LGR5: variants seen among roughly 807,000 people sequenced by gnomAD.
LGR5 encodes the protein leucine rich repeat containing G protein-coupled receptor 5, also known as leucine-rich repeat-containing G protein-coupled receptor 5.
In LGR5, 54 loss-of-function variants were observed where a neutral mutation model predicts 76.7. The observed-to-expected ratio is 0.70, with a 90% CI of 0.57 to 0.88. The LOEUF (loss-of-function observed/expected upper bound fraction) is 0.88. Among genes scored for constraint, LGR5 ranks in the 40% least tolerant of loss-of-function variants. The pLI, the probability that LGR5 is intolerant of heterozygous loss-of-function variation, is 0.00. For missense variants in LGR5, 1,078 were observed against 1,073.3 expected, an observed-to-expected ratio of 1.00 and a Z score of -0.06; for synonymous variants, 406 against 421.9, an observed-to-expected ratio of 0.96 and a Z score of 0.46.
Position 71,507,733 on chromosome 12 carries a change from TTCTC to T in LGR5, c.284+3062_284+3065del, listed in dbSNP as rs151033755. On this transcript the variant is annotated intron_variant, in intron 2 of 17. Transcript: ENST00000266674. ...ACAGCTAGAAATGTTAACTCTCTCT[TTCTC>T]TCTCTCTCTCTCTGGGTGTGTGTGT... is the stretch of plus-strand genomic sequence containing the variant. Among the ~76,000 whole-genome samples the T allele has an allele frequency of 6.1e-3, 909 of 150,144 alleles. 14 individuals carry two copies. The highest frequency in any genetic ancestry group is 0.021 in the African/African-American group (876 of 41,166).
At position 71,466,550 on chromosome 12, in the gene LGR5, G is replaced by A. The variant is rs1872870571; in HGVS notation, c.212+26258G>A. On this transcript the variant is annotated intron_variant, in intron 1 of 17. Transcript: ENST00000266674. The stretch of plus-strand genomic sequence containing the variant: ...ATTAAATAAAAAATTCACTTATTTG[G>A]GGGATAAAAAGAATGTTCTGCATCC... Among the ~76,000 whole-genome samples the A allele has an allele frequency of 2.0e-5, 3 of 152,114 alleles. No individual in the cohort carries two copies. In the South Asian group the frequency reaches 6.2e-4, roughly 32 times the overall value.
intron 4 of LGR5, among the ~76,000 whole-genome samples, chr12:71,541,286 C>A (rs191988923): frequency 1.3e-5 from 2 of 152,276 alleles, no homozygotes; most frequent in South Asian, 2.1e-4. Flanking sequence ...ATACTTTATG[C>A]AATAGCCATG....
chr12:71,524,038 A>C (rs2137341391), intron 2 of LGR5, among the ~76,000 whole-genome samples: 1 of 152,346 alleles, frequency 6.6e-6, no homozygotes, highest in South Asian at 2.1e-4. Context: ...TTATCTTACA[A>C]AGAATAGTTG....
intron 1 of LGR5, among the ~76,000 whole-genome samples, chr12:71,482,401 TC>T (rs1349189670): frequency 6.6e-6 from 1 of 152,202 alleles, no homozygotes. Context: ...TAGATGGCTC[TC>T]TTCTCTTTGT....
chr12:71,540,493 C>T (rs1408907876), intron 4 of LGR5, among the ~76,000 whole-genome samples: 3 of 152,188 alleles, frequency 2.0e-5, no homozygotes, highest in Admixed American at 2.0e-4. Context: ...TTCTGCCTGG[C>T]ACACCAGCTG....
chr12:71,451,884 C>T (rs549623805), intron 1 of LGR5, among the ~76,000 whole-genome samples: 1 of 152,024 alleles, frequency 6.6e-6, no homozygotes, highest in African/African-American at 2.4e-5. Context: ...ATATGCAAAC[C>T]AACCAATCCA....
At chr12:71,462,895 G>T (rs188700169) in intron 1 of LGR5, among the ~76,000 whole-genome samples, 50 of 152,204 alleles carry the variant, frequency 3.3e-4, no homozygotes, top group Non-Finnish European at 1.3e-4. Context: ...TCTGCCCACT[G>T]CTCTTCAGGG....
In LGR5 at chr12:71,583,960, A is replaced by T. The variant is rs778727435; in HGVS notation, c.1950A>T (p.Ser650=). ...TTTTGTCCATTTTTGCTTCAGAATC[A>T]TCTGTTTTCCTGCTTACTCTGGCAG... ...IGFLSIFASE[S]SVFLLTLAAL... is the part of the protein sequence containing the mutation. The change falls in exon 18 of 18, where the codon TCA becomes TCT. Residue 650 remains serine (S), a synonymous_variant. Transcript: ENST00000266674. 15 of 1,613,904 alleles carry T rather than the reference A, an allele frequency of 9.3e-6. No homozygotes were observed. The African/African-American group carries it at 2.0e-4, about 22-fold the overall frequency.
At chr12:71,565,972 T>C (rs764381204) in intron 8 of LGR5, among the ~76,000 whole-genome samples, 22 of 152,194 alleles carry the variant, frequency 1.4e-4, no homozygotes, top group Non-Finnish European at 2.1e-4. Flanking sequence ...GTGTATGTTA[T>C]GGTGACCAGC....
At position 71,529,956 on chromosome 12, in the gene LGR5, C is replaced by CAA. The variant is rs34678480; in HGVS notation, c.357-5143_357-5142dup. Among the ~76,000 whole-genome samples the CAA allele has an allele frequency of 6.6e-4, 60 of 91,406 alleles. 1 individual carries two copies. Among genetic ancestry groups the CAA allele is most frequent in the African/African-American group, 1.8e-3 (44 of 24,292 alleles). The allele number at this position is 91,406 out of a possible 152,430, so 60.0% of individuals were successfully genotyped here. ...GTGCAATAGAGTGAGATTCTGTCTC[C>CAA]AAAAAAAAAAAAAAAAAGTAGAAGC... On this transcript the variant is annotated intron_variant, in intron 3 of 17. Coordinates refer to ENST00000266674, the MANE Select transcript of LGR5 (RefSeq NM_003667.4).
intron 16 of LGR5, 36 bp downstream of exon 16, chr12:71,580,459 T>C: frequency 6.3e-7 from 1 of 1,594,148 alleles, no homozygotes; most frequent in East Asian, 2.2e-5. Flanking sequence ...GAAATTGTGT[T>C]GTGTTCAGTG....
At chr12:71,519,161 C>A (rs554209289) in intron 2 of LGR5, among the ~76,000 whole-genome samples, 4 of 152,240 alleles carry the variant, frequency 2.6e-5, no homozygotes, top group Admixed American at 2.6e-4. Flanking sequence ...CCATGCTCGC[C>A]TCCTTGCAGC....
chr12:71,526,342 C>A (rs1259095251), intron 3 of LGR5, among the ~76,000 whole-genome samples: 1 of 152,012 alleles, frequency 6.6e-6, no homozygotes, highest in Non-Finnish European at 1.5e-5. Context: ...TGCATTTTAC[C>A]TGAAGACTCC....
intron 8 of LGR5, among the ~76,000 whole-genome samples, chr12:71,565,382 C>T (rs1238769217): frequency 6.7e-6 from 1 of 148,238 alleles, no homozygotes; most frequent in Non-Finnish European, 1.5e-5. Flanking sequence ...ATAGTATCTA[C>T]ACTATGAATC....
At chr12:71,524,073 GACATT>G (rs754259806) in intron 2 of LGR5, among the ~76,000 whole-genome samples, 5 of 152,102 alleles carry the variant, frequency 3.3e-5, no homozygotes, top group Non-Finnish European at 7.4e-5. Flanking sequence ...GTCACATTTT[GACATT>G]ACAATTTTTT....
At chr12:71,492,537 C>T (rs1447160887) in intron 1 of LGR5, among the ~76,000 whole-genome samples, 2 of 152,122 alleles carry the variant, frequency 1.3e-5, no homozygotes, top group South Asian at 4.2e-4. Flanking sequence ...TACATGACTC[C>T]CCATTGATCT....
At chr12:71,526,460 C>A (rs1876009258) in intron 3 of LGR5, among the ~76,000 whole-genome samples, 1 of 152,102 alleles carries the variant, frequency 6.6e-6, no homozygotes, top group South Asian at 2.1e-4. Flanking sequence ...GGTATTTAGA[C>A]CCTCTCTTTT....
At chr12:71,451,693 T>A (rs1872256805) in intron 1 of LGR5, among the ~76,000 whole-genome samples, 1 of 152,230 alleles carries the variant, frequency 6.6e-6, no homozygotes, top group African/African-American at 2.4e-5. Flanking sequence ...ACTACTGGAC[T>A]ATATACCCCT....
rs1565781613 is a variant in LGR5 at position 71,582,547 on chromosome 12, A to G, written c.1636+8A>G. On this transcript the variant is annotated splice_region_variant and intron_variant, in intron 17 of 17. Coordinates refer to ENST00000266674, the MANE Select transcript of LGR5 (RefSeq NM_003667.4). The stretch of plus-strand genomic sequence containing the variant: ...AGTGTTCACCTTCCCCAGGTGAGAA[A>G]GGCATCAAAAATTCCTCAACGGCAG... The G allele has an allele frequency of 6.2e-7, 1 of 1,605,228 alleles. No individual in the cohort carries two copies. The highest frequency in any genetic ancestry group is 8.5e-7 in the Non-Finnish European group (1 of 1,171,906).
Sources: gnomAD v4.1 joint callset for allele counts (sites outside exome capture counted in the v4.1 genomes callset) on GRCh38, gnomAD v4.1.1 for gene constraint, MANE v1.5 for transcripts, NCBI Gene and HGNC (gene_info 2026-07-23, HGNC 2026-07-21) for gene names.